Variants in DNAJC1 observed in about 807,000 individuals in gnomAD.
DNAJC1 encodes the protein dnaJ homolog subfamily C member 1.
DNAJC1 carries 58 observed loss-of-function variants against 76.6 expected under a neutral mutation model. The ratio of observed to expected loss-of-function variants is 0.76; its 90% confidence interval spans 0.61 to 0.94. The LOEUF is 0.94. DNAJC1 is among the 40% of genes least tolerant of loss of function. DNAJC1 has a pLI of 0.00. For synonymous variants in DNAJC1, 258 were observed against 267.9 expected (o/e 0.96, Z 0.36); for missense variants, 689 against 677.3 (o/e 1.02, Z -0.19).
rs141897623 is a variant in DNAJC1 at position 21,872,062 on chromosome 10, C to T, written c.978+10220G>A. Among the ~76,000 whole-genome samples, 12 of 150,624 alleles carry T rather than the reference C, an allele frequency of 8.0e-5. No homozygotes were observed. In the South Asian group the frequency reaches 8.4e-4, roughly 11 times the overall value. On this transcript the variant is annotated intron_variant, in intron 8 of 11. Transcript: ENST00000376980. Reference sequence around the variant, plus strand: ...CAGACAATGAACTTTCTAGACAAAACGTTAAATCATCTTTTTTTTTTTTTT... The same window carrying T: ...CAGACAATGAACTTTCTAGACAAAATGTTAAATCATCTTTTTTTTTTTTTT...
intron 1 of DNAJC1, among the ~76,000 whole-genome samples, chr10:21,971,331 G>A (rs560425130): frequency 5.9e-5 from 9 of 151,782 alleles, no homozygotes; most frequent in East Asian, 1.9e-4. Context: ...TTCTATTTAT[G>A]TCAAGTAACG....
At chr10:21,831,413 T>C (rs899349643) in intron 8 of DNAJC1, among the ~76,000 whole-genome samples, 4 of 152,214 alleles carry the variant, frequency 2.6e-5, no homozygotes, top group African/African-American at 4.8e-5. Context: ...TTTTGAGCTA[T>C]TGTTACTGGT....
intron 1 of DNAJC1, among the ~76,000 whole-genome samples, chr10:21,958,685 C>T (rs1306900213): frequency 6.6e-6 from 1 of 152,118 alleles, no homozygotes; most frequent in Admixed American, 6.6e-5. Flanking sequence ...CTCGGCCTCC[C>T]AAAGTGCTGG....
At chr10:21,932,476 G>A (rs1201897453) in intron 1 of DNAJC1, among the ~76,000 whole-genome samples, 1 of 152,118 alleles carries the variant, frequency 6.6e-6, no homozygotes, top group Non-Finnish European at 1.5e-5. Flanking sequence ...AAAATAACCT[G>A]ACAAAAAAAT....
At chr10:21,842,029 T>C (rs1432454271) in intron 8 of DNAJC1, among the ~76,000 whole-genome samples, 3 of 138,016 alleles carry the variant, frequency 2.2e-5, no homozygotes, top group Non-Finnish European at 4.5e-5. Flanking sequence ...TTCTCACTCA[T>C]AGGTGGGAAC....
At chr10:21,915,002 T>C (rs1418815433) in intron 6 of DNAJC1, among the ~76,000 whole-genome samples, 1 of 152,224 alleles carries the variant, frequency 6.6e-6, no homozygotes, top group African/African-American at 2.4e-5. Context: ...TTATAACTGC[T>C]ACCTGACATT....
At chr10:21,895,699 G>C (rs975224470) in intron 7 of DNAJC1, among the ~76,000 whole-genome samples, 3 of 152,064 alleles carry the variant, frequency 2.0e-5, no homozygotes, top group African/African-American at 7.2e-5. Flanking sequence ...TGAATAGAAG[G>C]AAGACAGATG....
Position 21,759,182 on chromosome 10 carries a change from C to T in DNAJC1, c.1584G>A (p.Pro528=), listed in dbSNP as rs188868921. ...DRWDKIARCV[P]SKSKEDCIAR... ...CCCCATCACTCACCTTGCTCTTGGACGGGACACATCTGGCTATTTTGTCCC... is the reference window on the plus strand; with the variant it reads ...CCCCATCACTCACCTTGCTCTTGGATGGGACACATCTGGCTATTTTGTCCC... Residue 528 remains proline, a synonymous_variant, in exon 11 of 12, where the codon CCG becomes CCA. Coordinates refer to ENST00000376980, the MANE Select transcript of DNAJC1 (RefSeq NM_022365.4). The T allele has an allele frequency of 6.8e-5, 109 of 1,612,992 alleles. No individual in the cohort carries two copies. The highest frequency in any genetic ancestry group is 8.3e-5 in the Admixed American group (5 of 59,906).
At chr10:22,002,070 T>A (rs1261928130) in intron 1 of DNAJC1, among the ~76,000 whole-genome samples, 1 of 152,218 alleles carries the variant, frequency 6.6e-6, no homozygotes, top group Non-Finnish European at 1.5e-5. Flanking sequence ...AATTTTATAT[T>A]CACTGATGGA....
intron 8 of DNAJC1, among the ~76,000 whole-genome samples, chr10:21,821,744 T>C (rs569687267): frequency 1.3e-4 from 20 of 152,250 alleles, no homozygotes; most frequent in African/African-American, 3.9e-4. Context: ...CAAGGGACAT[T>C]TTAATTTATA....
chr10:21,945,020 T>C (rs1271444682), intron 1 of DNAJC1, among the ~76,000 whole-genome samples: 2 of 152,184 alleles, frequency 1.3e-5, no homozygotes, highest in Non-Finnish European at 2.9e-5. Context: ...GATACATAGG[T>C]CTGAAACTCA....
In DNAJC1 at chr10:21,790,690, T is replaced by C. The variant is rs1324212608; in HGVS notation, c.1098+15290A>G. Among the ~76,000 whole-genome samples the C allele has an allele frequency of 9.2e-5, 14 of 151,818 alleles. No individual in the cohort carries two copies. In the East Asian group the frequency reaches 2.7e-3, roughly 29 times the overall value. On this transcript the variant is annotated intron_variant, in intron 9 of 11. Transcript: ENST00000376980. ...AGCAAAAAGATGATAATCACCATCA[T>C]GAAAACACTCAAAAGTATAAAATTC...
intron 10 of DNAJC1, among the ~76,000 whole-genome samples, chr10:21,761,828 A>G (rs1289432156): frequency 6.6e-6 from 1 of 152,228 alleles, no homozygotes; most frequent in Non-Finnish European, 1.5e-5. Flanking sequence ...ACTACTAACA[A>G]GTGGCATTTC....
chr10:21,787,996 C>T (rs1834634143), intron 9 of DNAJC1, among the ~76,000 whole-genome samples: 1 of 152,224 alleles, frequency 6.6e-6, no homozygotes, highest in African/African-American at 2.4e-5. Flanking sequence ...ATCCCTGAGG[C>T]TACCCCACCA....
chr10:21,919,798 C>A (rs1837011307), intron 5 of DNAJC1, 34 bp downstream of exon 5: 1 of 1,452,592 alleles, frequency 6.9e-7, no homozygotes, highest in African/African-American at 1.4e-5. Context: ...TTTAAAACAG[C>A]TTCAAATTAT....
At chr10:21,894,524 T>A (rs1366728406) in intron 7 of DNAJC1, among the ~76,000 whole-genome samples, 1 of 150,208 alleles carries the variant, frequency 6.7e-6, no homozygotes, top group Non-Finnish European at 1.5e-5. Flanking sequence ...TGAGCCAAGA[T>A]TGCACGATTG....
intron 8 of DNAJC1, among the ~76,000 whole-genome samples, chr10:21,810,803 C>T (rs983374873): frequency 6.6e-6 from 1 of 152,160 alleles, no homozygotes; most frequent in Admixed American, 6.5e-5. Context: ...TTACTTCAAC[C>T]TCAATGCTGT....
chr10:21,896,508 A>T (rs1488207500), intron 7 of DNAJC1, among the ~76,000 whole-genome samples: 1 of 152,144 alleles, frequency 6.6e-6, no homozygotes, highest in East Asian at 1.9e-4. Flanking sequence ...CCATCATTAT[A>T]ATGTGGAAGC....
rs1043370795 is a variant in DNAJC1, at chr10:21,803,860, G to C, written c.1098+2120C>G. ...TATTATGAAAACAGAACTAATACTTGGCCAAAAAAAAAAAAAACCCAAAAA... is the reference window on the plus strand; with the variant it reads ...TATTATGAAAACAGAACTAATACTTCGCCAAAAAAAAAAAAAACCCAAAAA... On this transcript the variant is annotated intron_variant, in intron 9 of 11. Transcript: ENST00000376980. 5 of 942,754 alleles carry C rather than the reference G, an allele frequency of 5.3e-6. No individual in the cohort carries two copies. In the African/African-American group the frequency reaches 9.2e-5, roughly 17 times the overall value. The allele number at this position is 942,754 out of a possible 1,614,324, so 58.4% of individuals were successfully genotyped here.
Sources: gnomAD v4.1 joint callset for allele counts (sites outside exome capture counted in the v4.1 genomes callset) on GRCh38, gnomAD v4.1.1 for gene constraint, MANE v1.5 for transcripts, NCBI Gene and HGNC (gene_info 2026-07-23, HGNC 2026-07-21) for gene names.